SRP19: variants seen among roughly 807,000 people sequenced by gnomAD.
SRP19 encodes the protein signal recognition particle 19 kDa protein.
Under a neutral mutation model 22.4 loss-of-function variants are expected in SRP19, and 11 were observed. The ratio of observed to expected loss-of-function variants is 0.49; its 90% CI spans 0.31 to 0.81. The LOEUF (loss-of-function observed/expected upper bound fraction) is 0.81. SRP19 is among the 40% of genes least tolerant of loss of function. The probability of loss-of-function intolerance (pLI) is 0.05; values close to 1 mark genes in which losing one functional copy is unlikely to be tolerated. For missense variants in SRP19, 168 were observed against 175.9 expected (o/e 0.96, Z 0.25); for synonymous variants, 61 against 57.6 (o/e 1.06, Z -0.27).
intron 4 of SRP19, among the ~76,000 whole-genome samples, chr5:112,887,719 G>A (rs892524710): frequency 2.0e-5 from 3 of 152,004 alleles, no homozygotes; most frequent in Non-Finnish European, 2.9e-5. Context: ...CTTTACAGTT[G>A]TTCTTCATCT....
chr5:112,883,494 T>A (rs1226202598), intron 4 of SRP19, among the ~76,000 whole-genome samples: 1 of 152,184 alleles, frequency 6.6e-6, no homozygotes, highest in Non-Finnish European at 1.5e-5. Context: ...CCACTCCTTA[T>A]CAGTCTGCTT....
chr5:112,885,730 G>T (rs1397041623), intron 4 of SRP19: 2 of 298,878 alleles, frequency 6.7e-6, no homozygotes, highest in African/African-American at 2.3e-5. Context: ...AGCCAAGCTT[G>T]AAGCTATTAA....
intron 4 of SRP19, chr5:112,885,289 G>A: frequency 5.8e-6 from 1 of 173,054 alleles, no homozygotes; most frequent in South Asian, 1.1e-4. Context: ...CAGAAAGCAA[G>A]CTCAAATGAG....
At position 112,867,607 on chromosome 5, in the gene SRP19, A is replaced by G. The variant is rs1209773726; in HGVS notation, c.*70A>G. The G allele has an allele frequency of 1.4e-6, 2 of 1,439,168 alleles. No homozygotes were observed. The highest frequency in any genetic ancestry group is 1.8e-6 in the Non-Finnish European group (2 of 1,091,794). The allele number at this position is 1,439,168 out of a possible 1,614,324, so 89.1% of individuals were successfully genotyped here. On this transcript the variant is annotated 3_prime_UTR_variant, in exon 5 of 5. Coordinates refer to ENST00000505459, the MANE Select transcript of SRP19 (RefSeq NM_003135.3). ...AATGGAGACTTCTAATTTGTATCGG[A>G]GGGAAACAGAAGCTTTTTGTTTGCA... is the stretch of plus-strand genomic sequence containing the variant.
intron 4 of SRP19, chr5:112,878,916 G>A: frequency 6.2e-7 from 1 of 1,604,218 alleles, no homozygotes; most frequent in African/African-American, 1.3e-5. Flanking sequence ...TGTGCCTAAT[G>A]TAGCTACTAG....
At chr5:112,880,408 T>A (rs1768033309) in intron 4 of SRP19, among the ~76,000 whole-genome samples, 3 of 152,120 alleles carry the variant, frequency 2.0e-5, no homozygotes, top group African/African-American at 7.2e-5. Context: ...ACTGTGAGAT[T>A]TTACAATCTG....
At chr5:112,877,035 A>T (rs2150031279) in intron 4 of SRP19, 1 of 152,156 alleles carries the variant, frequency 6.6e-6, no homozygotes, top group South Asian at 2.1e-4. Context: ...TTATGGGAAA[A>T]GGATTTAAAT....
In SRP19 at chr5:112,864,721, A is replaced by G. The variant is rs752444873; in HGVS notation, c.290A>G (p.Gln97Arg). Residue 97 changes from glutamine to arginine, a missense_variant, in exon 4 of 5, where the codon CAG (glutamine) becomes CGG (arginine). Transcript: ENST00000505459. Reference sequence around the variant, plus strand: ...GAAGATGGGAGCCTCTGCCTTGTACAGTTCCCATCACGTAAGCTTGTTTAA... The same window carrying G: ...GAAGATGGGAGCCTCTGCCTTGTACGGTTCCCATCACGTAAGCTTGTTTAA... ...KQEDGSLCLV[Q>R]FPSRKSVMLY... 3.7e-6 allele frequency: 6 copies of G among 1,611,516 alleles called. No homozygotes were observed. The African/African-American group carries it at 4.0e-5, about 11-fold the overall frequency.
intron 2 of SRP19, among the ~76,000 whole-genome samples, chr5:112,863,315 T>G (rs1055191434): frequency 2.0e-5 from 3 of 152,258 alleles, no homozygotes; most frequent in African/African-American, 7.2e-5. Flanking sequence ...TTTTGAGATT[T>G]ACCTACATAT....
At chr5:112,894,894 T>C (rs1768631255), downstream of SRP19, 1 of 152,172 alleles carries the variant, frequency 6.6e-6, no homozygotes, top group Non-Finnish European at 1.5e-5. Context: ...GATGTCCATA[T>C]TAAAACCAGA....
At chr5:112,876,132 A>G (rs968411510) in intron 4 of SRP19, among the ~76,000 whole-genome samples, 2 of 152,252 alleles carry the variant, frequency 1.3e-5, no homozygotes, top group Admixed American at 6.5e-5. Context: ...GGTTAAAAAA[A>G]AACAGTGGAT....
At chr5:112,877,269 C>CTGAT (rs1016502580) in intron 4 of SRP19, 11 of 152,190 alleles carry the variant, frequency 7.2e-5, no homozygotes, top group East Asian at 3.9e-4. Flanking sequence ...ATGATCTTAC[C>CTGAT]TGATTGTTAT....
At chr5:112,891,209 A>T in intron 4 of SRP19, among the ~76,000 whole-genome samples, 1 of 152,022 alleles carries the variant, frequency 6.6e-6, no homozygotes, top group East Asian at 1.9e-4. Context: ...AGTAGCTGGG[A>T]TTACAGGCAC....
chr5:112,890,643 G>T (rs1179283974), intron 4 of SRP19, among the ~76,000 whole-genome samples: 1 of 150,514 alleles, frequency 6.6e-6, no homozygotes, highest in Non-Finnish European at 1.5e-5. Context: ...CTCCTAAAGT[G>T]CTGGGATTAC....
At chr5:112,890,213 T>A (rs1046731456) in intron 4 of SRP19, among the ~76,000 whole-genome samples, 1 of 150,318 alleles carries the variant, frequency 6.7e-6, no homozygotes, top group Non-Finnish European at 1.5e-5. Flanking sequence ...TGGCTTGACC[T>A]TGGGAGGTCG....
chr5:112,894,517 T>C (rs1178123535), downstream of SRP19: 1 of 152,226 alleles, frequency 6.6e-6, no homozygotes. Context: ...CATTATGATA[T>C]GCAGGAAATG....
At position 112,868,459 on chromosome 5, in the gene SRP19, G is replaced by C; in HGVS notation, c.*922G>C. The C allele has an allele frequency of 1.2e-6, 1 of 842,270 alleles. No homozygotes were observed. Among genetic ancestry groups the C allele is most frequent in the Non-Finnish European group, 1.4e-6 (1 of 698,650 alleles). 52.2% of individuals were successfully genotyped at this position (842,270 alleles called of 1,614,324 possible). On this transcript the variant is annotated 3_prime_UTR_variant, in exon 5 of 5. Transcript: ENST00000505459. ...CTTGTTGCCTAGGCTGGAGTGCAAT[G>C]GCACGATATCGGCGTACCACAACCT...
chr5:112,875,875 T>A (rs1280078082), intron 4 of SRP19, among the ~76,000 whole-genome samples: 4 of 151,724 alleles, frequency 2.6e-5, no homozygotes, highest in African/African-American at 9.7e-5. Flanking sequence ...TGAAACCCCG[T>A]CTCTACTAAA....
chr5:112,881,343 C>T (rs1003002813), intron 4 of SRP19, among the ~76,000 whole-genome samples: 2 of 152,022 alleles, frequency 1.3e-5, no homozygotes, highest in African/African-American at 2.4e-5. Flanking sequence ...TTTACTTCCC[C>T]ATGGTCAGGC....
Sources: gnomAD v4.1 joint callset for allele counts (sites outside exome capture counted in the v4.1 genomes callset) on GRCh38, gnomAD v4.1.1 for gene constraint, MANE v1.5 for transcripts, NCBI Gene and HGNC (gene_info 2026-07-23, HGNC 2026-07-21) for gene names.